The following SCP2 variants were observed in gnomAD, a reference collection of about 807,000 sequenced individuals.
The protein encoded by SCP2 is SCP-2/3-oxoacyl-CoA thiolase.
A neutral mutation model predicts 71.4 loss-of-function variants in SCP2; 48 were observed. The observed-to-expected ratio is 0.67, with a 90% CI of 0.53 to 0.86. The LOEUF is 0.86. Among genes scored for constraint, SCP2 ranks in the 40% least tolerant of loss-of-function variants. The pLI is 0.00. For missense variants in SCP2, 560 were observed against 655.6 expected, an observed-to-expected ratio of 0.85 and a Z score of 1.59; for synonymous variants, 220 against 218.1, an observed-to-expected ratio of 1.01 and a Z score of -0.08.
rs1261065843 is a variant in SCP2, at chr1:52,961,615, A to C, written c.509A>C (p.His170Pro). ...ATGTTTGGGTATGCTGGAAAAGAAC[A>C]TATGGAAAAATATGGTATGTTACAG... ...PQMFGYAGKE[H>P]MEKYGTKIEH... The change falls in exon 6 of 16, where the codon CAT (histidine) becomes CCT (proline). Residue 170 changes from histidine to proline, a missense_variant. Transcript: ENST00000371514. 6 of 1,613,682 alleles carry C rather than the reference A, an allele frequency of 3.7e-6. No homozygotes were observed. Among genetic ancestry groups the C allele is most frequent in the Non-Finnish European group, 5.1e-6 (6 of 1,179,798 alleles).
intron 11 of SCP2, chr1:52,996,141 A>T (rs545043402): frequency 4.4e-6 from 2 of 449,460 alleles, no homozygotes; most frequent in Non-Finnish European, 7.6e-6. Context: ...CTAGATCTAG[A>T]ACAGTGCTTA....
Position 53,050,679 on chromosome 1 carries a change from T to G in SCP2, c.1619T>G (p.Leu540Arg), listed in dbSNP as rs1340678953. ...GCTATGAAGTTACAAAATCTTCAGC[T>G]TCAGCCAGGCAACGCTAAGCTCTGA... ...GLAMKLQNLQ[L>R]QPGNAKL The change falls in exon 16 of 16, where the codon CTT (leucine) becomes CGT (arginine). Residue 540 changes from leucine (L) to arginine (R), a missense_variant. Physicochemically the swap from Leu to Arg is moderately radical, Grantham distance 102. This residue lies in a region of SCP2 where 43 missense variants were observed against 65.9 expected (regional missense o/e 0.65). Transcript: ENST00000371514. 6.2e-7 allele frequency: 1 copy of G among 1,613,436 alleles called. No individual in the cohort carries two copies. The highest frequency in any genetic ancestry group is 1.3e-5 in the African/African-American group (1 of 75,044).
chr1:52,941,134 C>T (rs750833703), intron 1 of SCP2, among the ~76,000 whole-genome samples: 1 of 152,202 alleles, frequency 6.6e-6, no homozygotes, highest in Non-Finnish European at 1.5e-5. Flanking sequence ...CTGCTGTATT[C>T]TCTTACTTCT....
intron 9 of SCP2, among the ~76,000 whole-genome samples, chr1:52,978,935 G>A (rs1008440213): frequency 1.3e-5 from 2 of 152,018 alleles, no homozygotes; most frequent in Non-Finnish European, 2.9e-5. Flanking sequence ...AGTACAAAAT[G>A]GAAAAAGTAA....
intron 2 of SCP2, among the ~76,000 whole-genome samples, chr1:52,944,944 G>T (rs1339102055): frequency 6.6e-6 from 1 of 151,888 alleles, no homozygotes; most frequent in Non-Finnish European, 1.5e-5. Context: ...ACCGTGTCTG[G>T]CCTGCTGTTA....
chr1:52,946,562 A>G (rs1346920048), intron 2 of SCP2, among the ~76,000 whole-genome samples: 2 of 152,156 alleles, frequency 1.3e-5, no homozygotes, highest in East Asian at 3.8e-4. Flanking sequence ...TTGGCAACAT[A>G]TGAGAATGTT....
At chr1:52,954,658 C>A in intron 4 of SCP2, 82 bp from the exon 5 acceptor site, 3 of 1,125,290 alleles carry the variant, frequency 2.7e-6, no homozygotes, top group Non-Finnish European at 4.1e-6. Flanking sequence ...ACTTGACGTA[C>A]TTATTTGAAT....
At position 53,016,961 on chromosome 1, in the gene SCP2, C is replaced by T. The variant is rs965141931; in HGVS notation, c.1235+1918C>T. On this transcript the variant is annotated intron_variant, in intron 12 of 15. Coordinates refer to ENST00000371514, the MANE Select transcript of SCP2 (RefSeq NM_002979.5). ...AGGAGAAATGTTTAGTGTTGCAACACAGGCTGTGAACAATGAAGAGGAGAG... is the reference window on the plus strand; with the variant it reads ...AGGAGAAATGTTTAGTGTTGCAACATAGGCTGTGAACAATGAAGAGGAGAG... 4.6e-5 allele frequency among the ~76,000 whole-genome samples: 7 copies of T among 152,268 alleles called. No individual in the cohort carries two copies. In the East Asian group the frequency reaches 1.2e-3, roughly 25 times the overall value.
intron 10 of SCP2, among the ~76,000 whole-genome samples, chr1:52,987,008 T>A (rs7527875): frequency 0.43 from 27,965 of 65,798 alleles, 3,635 homozygotes; most frequent in South Asian, 0.51. Flanking sequence ...ATATATATAT[T>A]TTTTTTTTTT....
intron 12 of SCP2, among the ~76,000 whole-genome samples, chr1:53,022,974 A>T (rs1302217552): frequency 2.0e-5 from 3 of 152,114 alleles, no homozygotes; most frequent in African/African-American, 7.2e-5. Flanking sequence ...AAACCAAATT[A>T]AAAAAATAAA....
At chr1:52,964,884 C>T (rs928196531) in intron 6 of SCP2, among the ~76,000 whole-genome samples, 1 of 152,004 alleles carries the variant, frequency 6.6e-6, no homozygotes, top group Non-Finnish European at 1.5e-5. Context: ...CCTGGTAGTG[C>T]ACACCTGTAG....
At chr1:53,038,328 T>C (rs1265331643) in intron 13 of SCP2, among the ~76,000 whole-genome samples, 2 of 151,204 alleles carry the variant, frequency 1.3e-5, no homozygotes, top group Non-Finnish European at 2.9e-5. Flanking sequence ...TCCCAACTTA[T>C]TGAAACATAC....
At chr1:53,044,029 A>G (rs1663614623) in intron 14 of SCP2, among the ~76,000 whole-genome samples, 1 of 152,012 alleles carries the variant, frequency 6.6e-6, no homozygotes, top group African/African-American at 2.4e-5. Flanking sequence ...ATTTAATACT[A>G]TAGGCATACT....
intron 12 of SCP2, among the ~76,000 whole-genome samples, chr1:53,016,885 G>A (rs146201087): frequency 1.3e-5 from 2 of 152,290 alleles, no homozygotes; most frequent in African/African-American, 4.8e-5. Flanking sequence ...TGAGCTGGTG[G>A]TGGAGAGACC....
At chr1:53,027,595 C>T (rs112024481) in intron 12 of SCP2, among the ~76,000 whole-genome samples, 20,887 of 152,130 alleles carry the variant, frequency 0.14, 2,049 homozygotes, top group East Asian at 0.33. Context: ...ACCTCCGCCT[C>T]CTAGGTTCAA....
At chr1:52,997,877 C>A (rs1056085431) in intron 11 of SCP2, among the ~76,000 whole-genome samples, 4 of 152,190 alleles carry the variant, frequency 2.6e-5, no homozygotes, top group African/African-American at 9.6e-5. Flanking sequence ...CCAGTCAATC[C>A]TCTGGCCTCC....
chr1:52,996,778 A>C (rs1659963966), intron 11 of SCP2, among the ~76,000 whole-genome samples: 1 of 152,160 alleles, frequency 6.6e-6, no homozygotes, highest in South Asian at 2.1e-4. Flanking sequence ...CTTAACCCCC[A>C]AAAAGGATTA....
chr1:53,050,568 C>G, intron 15 of SCP2, 41 bp from the exon 16 acceptor site: 1 of 1,360,536 alleles, frequency 7.4e-7, no homozygotes, highest in Non-Finnish European at 1.1e-6. Context: ...AATCTTAAAA[C>G]AAAAAAACAC....
chr1:52,960,554 G>A (rs1413295576), intron 5 of SCP2, among the ~76,000 whole-genome samples: 2,062 of 143,832 alleles, frequency 0.014, 45 homozygotes, highest in African/African-American at 0.049. Context: ...ATATACATGT[G>A]TATATATGTA....
Sources: gnomAD v4.1 joint callset for allele counts (sites outside exome capture counted in the v4.1 genomes callset) on GRCh38, gnomAD v4.1.1 for gene constraint, gnomAD v4.1.1 regional missense constraint, MANE v1.5 for transcripts, NCBI Gene and HGNC (gene_info 2026-07-23, HGNC 2026-07-21) for gene names.